CAST: variants seen among roughly 807,000 people sequenced by gnomAD.
CAST encodes MIR583 host.
CAST carries 76 observed loss-of-function variants against 119.6 expected under a neutral mutation model. That is an observed-to-expected ratio of 0.64 (90% CI 0.53 to 0.77). The LOEUF is 0.77. Among genes scored for constraint, CAST ranks in the 30% least tolerant of loss-of-function variants. The pLI is 0.00. For synonymous variants in CAST, 319 were observed against 331.6 expected, an observed-to-expected ratio of 0.96 and a Z score of 0.41; for missense variants, 953 against 946.5, an observed-to-expected ratio of 1.01 and a Z score of -0.09.
At chr5:95,980,103 G>C in the CAST span, among the ~76,000 whole-genome samples, 2 of 152,062 alleles carry the variant, frequency 1.3e-5, no homozygotes, top group Non-Finnish European at 2.9e-5. Context: ...GGGCAATAGA[G>C]TGAGACTCCA....
the CAST span, among the ~76,000 whole-genome samples, chr5:95,989,762 T>G: frequency 1.3e-5 from 2 of 152,164 alleles, no homozygotes; most frequent in East Asian, 1.9e-4. Flanking sequence ...TTATGTCCAA[T>G]GTATGATTTA....
At chr5:96,512,868 C>G in the CAST span, among the ~76,000 whole-genome samples, 3 of 152,114 alleles carry the variant, frequency 2.0e-5, no homozygotes, top group Non-Finnish European at 4.4e-5. Context: ...GGAACACAAA[C>G]GAAGATTTTT....
At position 96,774,577 on chromosome 5, in the gene CAST, G is replaced by GCAAA. The variant is rs1167290727; in HGVS notation, c.*1966_*1969dup. Reference sequence around the variant, plus strand: ...GTTTAGAAAATGGGCTTTTCCAAAAGCAAACAAAGATAGGTTCCTCAGGTG... The same window carrying GCAAA: ...GTTTAGAAAATGGGCTTTTCCAAAAGCAAACAAACAAAGATAGGTTCCTCAGGTG... On this transcript the variant is annotated 3_prime_UTR_variant, in exon 32 of 32. Coordinates refer to ENST00000675179, the MANE Select transcript of CAST (RefSeq NM_001750.7). 5.1e-6 allele frequency: 5 copies of GCAAA among 985,338 alleles called. No homozygotes were observed. Among genetic ancestry groups the GCAAA allele is most frequent in the East Asian group, 1.1e-4 (1 of 8,970 alleles). 61.0% of individuals were successfully genotyped at this position (985,338 alleles called of 1,614,324 possible).
intron 1 of CAST, among the ~76,000 whole-genome samples, chr5:96,539,304 G>T (rs1055293176): frequency 5.3e-5 from 8 of 152,124 alleles, no homozygotes; most frequent in Non-Finnish European, 8.8e-5. Flanking sequence ...GTTTGAAGTG[G>T]CAGCTTTTAT....
chr5:96,440,401 C>A, the CAST span, among the ~76,000 whole-genome samples: 80,470 of 151,870 alleles, frequency 0.53, 22,197 homozygotes, highest in African/African-American at 0.69. Context: ...GCAGCTGTAG[C>A]TGTTTACTCA....
the CAST span, among the ~76,000 whole-genome samples, chr5:96,327,668 C>T: frequency 2.6e-5 from 4 of 152,146 alleles, no homozygotes; most frequent in Non-Finnish European, 5.9e-5. Flanking sequence ...ACAAAATAAA[C>T]GAGAAGGTTT....
At chr5:95,971,971 T>TA in the CAST span, among the ~76,000 whole-genome samples, 1 of 151,446 alleles carries the variant, frequency 6.6e-6, no homozygotes, top group Non-Finnish European at 1.5e-5. Flanking sequence ...TTTTTTTTTT[T>TA]TTTTTGAAAC....
upstream of CAST, among the ~76,000 whole-genome samples, chr5:96,658,170 G>A (rs1748189192): frequency 6.6e-6 from 1 of 152,094 alleles, no homozygotes; most frequent in Admixed American, 6.5e-5. Context: ...TGACGAACTT[G>A]CACCTATCCC....
the CAST span, among the ~76,000 whole-genome samples, chr5:96,086,326 T>C: frequency 6.6e-6 from 1 of 152,174 alleles, no homozygotes; most frequent in African/African-American, 2.4e-5. Context: ...CATCACAAAG[T>C]AGGATGGTGA....
chr5:96,637,313 T>A (rs1647803631), intron 1 of CAST, among the ~76,000 whole-genome samples: 1 of 152,176 alleles, frequency 6.6e-6, no homozygotes, highest in Admixed American at 6.5e-5. Context: ...GCCAGGTAGC[T>A]TGCTCAAGCT....
the CAST span, among the ~76,000 whole-genome samples, chr5:96,110,528 G>GAGAT: frequency 2.1e-3 from 320 of 152,268 alleles, no homozygotes; most frequent in African/African-American, 7.3e-3. Flanking sequence ...CTGCTTTGAA[G>GAGAT]AGATTATCAC....
the CAST span, among the ~76,000 whole-genome samples, chr5:96,110,418 T>A: frequency 6.6e-6 from 1 of 152,200 alleles, no homozygotes; most frequent in Non-Finnish European, 1.5e-5. Flanking sequence ...GTTACAGTAA[T>A]CTTACCATTA....
intron 3 of CAST, among the ~76,000 whole-genome samples, chr5:96,714,234 C>T (rs1756786720): frequency 6.6e-6 from 1 of 152,130 alleles, no homozygotes; most frequent in Admixed American, 6.6e-5. Context: ...ATTAAGCAGC[C>T]TGCCTGTAGT....
intron 16 of CAST, among the ~76,000 whole-genome samples, chr5:96,744,630 A>T (rs1443942184): frequency 6.6e-6 from 1 of 152,204 alleles, no homozygotes. Context: ...GAATGTTTCT[A>T]AAGAGGATCT....
intron 1 of CAST, among the ~76,000 whole-genome samples, chr5:96,536,627 C>T (rs1308259637): frequency 6.6e-6 from 1 of 152,134 alleles, no homozygotes; most frequent in African/African-American, 2.4e-5. Flanking sequence ...CATGGATTTC[C>T]AGAGTGATGA....
At chr5:96,750,552 C>G in intron 19 of CAST, 35 bp from the exon 20 acceptor site, 1 of 1,381,022 alleles carries the variant, frequency 7.2e-7, no homozygotes, top group Non-Finnish European at 1.0e-6. Context: ...CCAAATATTT[C>G]TAAACTTATT....
At chr5:96,254,853 T>C in the CAST span, among the ~76,000 whole-genome samples, 12 of 152,208 alleles carry the variant, frequency 7.9e-5, no homozygotes, top group Admixed American at 6.6e-4. Context: ...ATTAAAACAC[T>C]ATTTTTTAAA....
intron 20 of CAST, among the ~76,000 whole-genome samples, chr5:96,753,177 G>T (rs1032327875): frequency 4.0e-5 from 6 of 151,896 alleles, no homozygotes; most frequent in Admixed American, 3.9e-4. Flanking sequence ...AAAACTTTTT[G>T]TAAAGATGGG....
At chr5:96,273,165 T>C in the CAST span, among the ~76,000 whole-genome samples, 1 of 152,252 alleles carries the variant, frequency 6.6e-6, no homozygotes, top group African/African-American at 2.4e-5. Flanking sequence ...CTAGGGTTGA[T>C]ATGACGTTGA....
Sources: gnomAD v4.1 joint callset for allele counts (sites outside exome capture counted in the v4.1 genomes callset) on GRCh38, gnomAD v4.1.1 for gene constraint, MANE v1.5 for transcripts, NCBI Gene and HGNC (gene_info 2026-07-23, HGNC 2026-07-21) for gene names.